SYCP2L: variants seen among roughly 807,000 people sequenced by gnomAD.
SYCP2L encodes synaptonemal complex protein 2-like.
In SYCP2L, 98 loss-of-function variants were observed where a neutral mutation model predicts 125.8. That is an observed-to-expected ratio of 0.78 (90% CI 0.66 to 0.92). SYCP2L has a LOEUF of 0.92. Among genes scored for constraint, SYCP2L ranks in the 40% least tolerant of loss-of-function variants. SYCP2L has a pLI of 0.00. For synonymous variants in SYCP2L, 317 were observed against 325.4 expected (o/e 0.97, Z 0.28); for missense variants, 842 against 936.4 (o/e 0.90, Z 1.32).
At chr6:10,941,028 C>T (rs1001303566) in intron 21 of SYCP2L, among the ~76,000 whole-genome samples, 3 of 151,966 alleles carry the variant, frequency 2.0e-5, no homozygotes, top group African/African-American at 7.3e-5. Flanking sequence ...CTTTGACAAA[C>T]CTGACAAAAA....
intron 25 of SYCP2L, among the ~76,000 whole-genome samples, chr6:10,956,661 C>T (rs1484926388): frequency 6.6e-6 from 1 of 152,102 alleles, no homozygotes; most frequent in Non-Finnish European, 1.5e-5. Context: ...TGAGGTCTCA[C>T]TATGTTGCCT....
At chr6:10,967,493 G>GTGTGTGTGTA (rs1561704243) in intron 29 of SYCP2L, among the ~76,000 whole-genome samples, 1 of 150,330 alleles carries the variant, frequency 6.7e-6, no homozygotes, top group Non-Finnish European at 1.5e-5. Flanking sequence ...GTGTGTGTGT[G>GTGTGTGTGTA]TGTATTGAGG....
chr6:10,895,848 T>C (rs1201935691), intron 4 of SYCP2L, among the ~76,000 whole-genome samples: 2 of 151,978 alleles, frequency 1.3e-5, no homozygotes, highest in Non-Finnish European at 2.9e-5. Context: ...GCTCGGAAGT[T>C]CTTCTACTAC....
Position 10,902,975 on chromosome 6 carries a change from T to C in SYCP2L, c.641+12T>C. On this transcript the variant is annotated intron_variant, in intron 8 of 29. Coordinates refer to ENST00000283141, the MANE Select transcript of SYCP2L (RefSeq NM_001040274.3). ...ATGTGTCATCTTATGTAAGTGACTTTGTATAAGTTACGTGCTGTAGTAAGG... is the reference window on the plus strand; with the variant it reads ...ATGTGTCATCTTATGTAAGTGACTTCGTATAAGTTACGTGCTGTAGTAAGG... The C allele has an allele frequency of 2.5e-6, 4 of 1,610,134 alleles. No homozygotes were observed. Among genetic ancestry groups the C allele is most frequent in the Non-Finnish European group, 3.4e-6 (4 of 1,176,344 alleles).
chr6:10,910,879 T>A lies in SYCP2L; in HGVS notation c.918+10T>A. Reference sequence around the variant, plus strand: ...TGCTGATGAGCATGAGGTATGTTCATCCCTCTTGGAGGTCCTGAGGGCGGT... The same window carrying A: ...TGCTGATGAGCATGAGGTATGTTCAACCCTCTTGGAGGTCCTGAGGGCGGT... On this transcript the variant is annotated intron_variant, in intron 12 of 29. Transcript: ENST00000283141. 6.2e-7 allele frequency: 1 copy of A among 1,614,100 alleles called. No homozygotes were observed. The highest frequency in any genetic ancestry group is 1.1e-5 in the South Asian group (1 of 91,074).
chr6:10,934,254 T>C (rs568617095), intron 20 of SYCP2L, among the ~76,000 whole-genome samples: 1 of 152,368 alleles, frequency 6.6e-6, no homozygotes, highest in Non-Finnish European at 1.5e-5. Context: ...TTAATGAAAA[T>C]AGTGATGTTG....
rs556823337 is a variant in SYCP2L at position 10,916,921 on chromosome 6, G to A, written c.1072+3994G>A. Among the ~76,000 whole-genome samples the A allele has an allele frequency of 8.5e-5, 13 of 152,346 alleles. No individual in the cohort carries two copies. The South Asian group carries it at 2.5e-3, about 29-fold the overall frequency. The stretch of plus-strand genomic sequence containing the variant: ...GCAGGAAAATCGCTTGAACCTGGGA[G>A]GTGGAGGTTGCAGTGAACCAAGATT... On this transcript the variant is annotated intron_variant, in intron 14 of 29. Transcript: ENST00000283141.
intron 21 of SYCP2L, among the ~76,000 whole-genome samples, chr6:10,937,828 G>C (rs1441350579): frequency 6.6e-6 from 1 of 152,070 alleles, no homozygotes; most frequent in Non-Finnish European, 1.5e-5. Flanking sequence ...AAATGGGTGA[G>C]TTTCTAGAAA....
At chr6:10,919,619 G>A (rs1053781326) in intron 14 of SYCP2L, among the ~76,000 whole-genome samples, 5 of 151,956 alleles carry the variant, frequency 3.3e-5, no homozygotes, top group African/African-American at 1.2e-4. Flanking sequence ...ACAGGCGGTG[G>A]GTGGGGCCCT....
At chr6:10,915,248 A>G (rs1244634476) in intron 14 of SYCP2L, among the ~76,000 whole-genome samples, 1 of 152,154 alleles carries the variant, frequency 6.6e-6, no homozygotes, top group Non-Finnish European at 1.5e-5. Context: ...CTAGGTATAC[A>G]ATCATTATCA....
intron 21 of SYCP2L, among the ~76,000 whole-genome samples, chr6:10,940,874 G>A (rs984400524): frequency 6.6e-6 from 1 of 152,140 alleles, no homozygotes; most frequent in African/African-American, 2.4e-5. Flanking sequence ...GTTTCTAAGG[G>A]AGAGAAGAAT....
intron 1 of SYCP2L, among the ~76,000 whole-genome samples, chr6:10,888,175 C>G (rs1044384874): frequency 7.0e-6 from 1 of 143,124 alleles, no homozygotes; most frequent in African/African-American, 2.6e-5. Flanking sequence ...TGGCTCACTG[C>G]AACCTCTGCC....
intron 14 of SYCP2L, 137 bp downstream of exon 14, chr6:10,913,064 G>A (rs1581823434): frequency 2.8e-6 from 2 of 713,404 alleles, no homozygotes; most frequent in South Asian, 4.0e-5. Flanking sequence ...ATGATAGAAG[G>A]TGCGCTGTCA....
intron 1 of SYCP2L, among the ~76,000 whole-genome samples, chr6:10,889,010 T>C (rs1349291076): frequency 6.6e-6 from 1 of 152,094 alleles, no homozygotes; most frequent in Admixed American, 6.6e-5. Flanking sequence ...TACAGTCACG[T>C]GCCACTGCGC....
chr6:10,950,856 T>C (rs946256786), intron 23 of SYCP2L, among the ~76,000 whole-genome samples: 42 of 152,272 alleles, frequency 2.8e-4, no homozygotes, highest in African/African-American at 9.6e-4. Flanking sequence ...AGACAGGGAT[T>C]TGACATGTTG....
At position 10,965,383 on chromosome 6, in the gene SYCP2L, G is replaced by A. The variant is rs116699560; in HGVS notation, c.*37+1540G>A. ...CTTTTGCAGTGAGATGGATGGTGTT[G>A]CCAGTTAGATAAGGAAGACTCAGGG... On this transcript the variant is annotated intron_variant, in intron 29 of 29. Coordinates refer to ENST00000283141, the MANE Select transcript of SYCP2L (RefSeq NM_001040274.3). Among the ~76,000 whole-genome samples the A allele has an allele frequency of 9.9e-3, 1,510 of 152,288 alleles. 14 individuals are homozygous for A. The highest frequency in any genetic ancestry group is 0.02 in the Middle Eastern group (6 of 294).
Position 10,935,130 on chromosome 6 carries a change from C to T in SYCP2L, c.1756C>T (p.Gln586Ter). Residue 586 changes from glutamine to a stop codon, truncating the protein, a stop_gained, in exon 21 of 30, where the codon CAA becomes TAA. Transcript: ENST00000283141. LOFTEE classifies it high-confidence loss of function. ...NNTTSPKTSE[Q>*]KFQDSFAFLT... ...CACCACATCTCCAAAGACTTCTGAA[C>T]AAAAATTCCAAGATAGTTTTGCTTT... 6.2e-7 allele frequency: 1 copy of T among 1,613,068 alleles called. No homozygotes were observed. Among genetic ancestry groups the T allele is most frequent in the Non-Finnish European group, 8.5e-7 (1 of 1,179,588 alleles).
rs1160601523 is a variant in SYCP2L, at chr6:10,961,392, G to A, written c.2343G>A (p.Glu781=). 12 of 1,614,056 alleles carry A rather than the reference G, an allele frequency of 7.4e-6. No homozygotes were observed. The highest frequency in any genetic ancestry group is 9.3e-6 in the Non-Finnish European group (11 of 1,180,022). Residue 781 remains glutamate (E), a synonymous_variant, in exon 27 of 30, where the codon GAG becomes GAA. Coordinates refer to ENST00000283141, the MANE Select transcript of SYCP2L (RefSeq NM_001040274.3). ...KQDIQALEHL[E]KEVLEFWGKQ... is the part of the protein sequence containing the mutation. Reference sequence around the variant, plus strand: ...ATATTCAGGCCCTGGAACACCTTGAGAAGGAGGTTCTGGTAAGTTCTTTTT... The same window carrying A: ...ATATTCAGGCCCTGGAACACCTTGAAAAGGAGGTTCTGGTAAGTTCTTTTT...
At chr6:10,913,024 C>A in intron 14 of SYCP2L, 97 bp downstream of exon 14, 3 of 1,215,208 alleles carry the variant, frequency 2.5e-6, no homozygotes, top group Non-Finnish European at 3.5e-6. Flanking sequence ...CATATTTTGA[C>A]CATGCCTTGA....
Sources: gnomAD v4.1 joint callset for allele counts (sites outside exome capture counted in the v4.1 genomes callset) on GRCh38, gnomAD v4.1.1 for gene constraint, MANE v1.5 for transcripts, NCBI Gene and HGNC (gene_info 2026-07-23, HGNC 2026-07-21) for gene names.